The following MARCHF1 variants were observed in gnomAD, a reference collection of about 807,000 sequenced individuals.
The protein encoded by MARCHF1 is E3 ubiquitin-protein ligase MARCHF1.
MARCHF1 carries 40 observed loss-of-function variants against 54.2 expected under a neutral mutation model. The observed-to-expected ratio is 0.74, with a 90% CI of 0.57 to 0.96. MARCHF1 has a LOEUF of 0.96. Ranked by LOEUF, MARCHF1 falls within the 40% of genes least tolerant of loss-of-function variation. MARCHF1 has a pLI of 0.00. For synonymous variants in MARCHF1, 236 were observed against 236.3 expected, an observed-to-expected ratio of 1.00 and a Z score of 0.01; for missense variants, 586 against 656.5, an observed-to-expected ratio of 0.89 and a Z score of 1.17.
intron 3 of MARCHF1, among the ~76,000 whole-genome samples, chr4:163,973,807 T>C (rs916389282): frequency 6.6e-6 from 1 of 152,348 alleles, no homozygotes; most frequent in South Asian, 2.1e-4. Flanking sequence ...ACCAACATAT[T>C]CTGAGTAGCC....
At chr4:164,299,115 T>G (rs987987178) in intron 1 of MARCHF1, among the ~76,000 whole-genome samples, 2 of 152,130 alleles carry the variant, frequency 1.3e-5, no homozygotes, top group Admixed American at 1.3e-4. Flanking sequence ...AAATTAAAAT[T>G]TTAGAAAACA....
At chr4:164,075,299 T>C (rs1346593246) in intron 2 of MARCHF1, among the ~76,000 whole-genome samples, 1 of 152,248 alleles carries the variant, frequency 6.6e-6, no homozygotes, top group Non-Finnish European at 1.5e-5. Flanking sequence ...TGTAGTGACC[T>C]CCGGCTCTAG....
At chr4:163,963,880 A>G (rs1487412221) in intron 3 of MARCHF1, among the ~76,000 whole-genome samples, 3 of 151,952 alleles carry the variant, frequency 2.0e-5, no homozygotes, top group Non-Finnish European at 2.9e-5. Flanking sequence ...GCCTAGTCCA[A>G]CTTTTGGAGT....
At position 163,891,568 on chromosome 4, in the gene MARCHF1, T is replaced by TA. The variant is rs766255771; in HGVS notation, c.-38-37400dup. ...AAATGAAACAACCACCAAAAAAAGC[T>TA]AAAAAAAAACCTGTCACCATTGCAC... is the stretch of plus-strand genomic sequence containing the variant. On this transcript the variant is annotated intron_variant, in intron 3 of 9. Transcript: ENST00000514618. Among the ~76,000 whole-genome samples the TA allele has an allele frequency of 3.8e-4, 58 of 150,894 alleles. 1 individual carries two copies. Among genetic ancestry groups the TA allele is most frequent in the East Asian group, 1.2e-3 (6 of 5,148 alleles).
intron 1 of MARCHF1, among the ~76,000 whole-genome samples, chr4:164,369,328 C>A (rs1222950090): frequency 6.6e-6 from 1 of 152,074 alleles, no homozygotes; most frequent in Non-Finnish European, 1.5e-5. Context: ...GGAAAATAGG[C>A]ATAAAGATTT....
intron 5 of MARCHF1, among the ~76,000 whole-genome samples, chr4:163,692,587 C>A (rs1744498595): frequency 7.0e-6 from 1 of 143,136 alleles, no homozygotes; most frequent in Non-Finnish European, 1.5e-5. Context: ...ATTATGGCTC[C>A]TTGGCCCCTG....
At chr4:163,855,270 T>C (rs1749741046) in intron 3 of MARCHF1, among the ~76,000 whole-genome samples, 1 of 152,156 alleles carries the variant, frequency 6.6e-6, no homozygotes, top group Admixed American at 6.6e-5. Context: ...GATTTCTTAA[T>C]AAAACCAGCA....
intron 3 of MARCHF1, among the ~76,000 whole-genome samples, chr4:163,870,296 T>C (rs1750142680): frequency 3.9e-5 from 6 of 152,098 alleles, no homozygotes; most frequent in Admixed American, 3.3e-4. Flanking sequence ...GTCTGAAAAA[T>C]ATTTTCCATT....
At chr4:164,067,454 C>G (rs1416421716) in intron 2 of MARCHF1, among the ~76,000 whole-genome samples, 1 of 152,140 alleles carries the variant, frequency 6.6e-6, no homozygotes, top group African/African-American at 2.4e-5. Context: ...TGATCTTCAA[C>G]AAGGCCAACA....
In MARCHF1 at chr4:163,705,486, T is replaced by C. The variant is rs114010926; in HGVS notation, c.112-4623A>G. On this transcript the variant is annotated intron_variant, in intron 4 of 9. Coordinates refer to ENST00000514618, the MANE Select transcript of MARCHF1 (RefSeq NM_001394959.1). Reference sequence around the variant, plus strand: ...GTGTATCACTAAAATTCCCAAAGAATAGAATAAATAGAATTTACTTATTTC... The same window carrying C: ...GTGTATCACTAAAATTCCCAAAGAACAGAATAAATAGAATTTACTTATTTC... Among the ~76,000 whole-genome samples, 851 of 152,066 alleles carry C rather than the reference T, an allele frequency of 5.6e-3. 6 individuals are homozygous for C. Among genetic ancestry groups the C allele is most frequent in the African/African-American group, 0.02 (815 of 41,550 alleles).
rs571209604 is a variant in MARCHF1, at chr4:163,946,857, G to A, written c.-39+41644C>T. On this transcript the variant is annotated intron_variant, in intron 3 of 9. Coordinates refer to ENST00000514618, the MANE Select transcript of MARCHF1 (RefSeq NM_001394959.1). ...ATGGACTTGCATTATTTATAAAAAT[G>A]CACCTGAAATATCACTGCAACAATT... 3.2e-4 allele frequency among the ~76,000 whole-genome samples: 49 copies of A among 152,216 alleles called. No homozygotes were observed. In the South Asian group the frequency reaches 9.7e-3, roughly 30 times the overall value.
chr4:163,771,704 G>A (rs1248691762), intron 4 of MARCHF1, among the ~76,000 whole-genome samples: 1 of 152,170 alleles, frequency 6.6e-6, no homozygotes, highest in Non-Finnish European at 1.5e-5. Flanking sequence ...TTTAGATCAT[G>A]CAAGAGCTTA....
intron 2 of MARCHF1, among the ~76,000 whole-genome samples, chr4:164,050,804 A>G (rs1295515741): frequency 6.6e-6 from 1 of 152,074 alleles, no homozygotes; most frequent in Admixed American, 6.6e-5. Flanking sequence ...GTGGTGGTGC[A>G]TGCCTGTAAT....
At chr4:163,738,218 C>T (rs1198944891) in intron 4 of MARCHF1, among the ~76,000 whole-genome samples, 1 of 152,152 alleles carries the variant, frequency 6.6e-6, no homozygotes, top group Non-Finnish European at 1.5e-5. Flanking sequence ...ATGTAGAGGA[C>T]ACATTTTAAT....
At chr4:163,689,658 T>A (rs1441726029) in intron 5 of MARCHF1, among the ~76,000 whole-genome samples, 1 of 152,156 alleles carries the variant, frequency 6.6e-6, no homozygotes, top group Non-Finnish European at 1.5e-5. Flanking sequence ...CGTGGATTTT[T>A]TTTTTTTCCC....
intron 1 of MARCHF1, among the ~76,000 whole-genome samples, chr4:164,258,434 G>GA (rs1280336895): frequency 7.5e-6 from 1 of 133,868 alleles, no homozygotes; most frequent in Non-Finnish European, 1.6e-5. Context: ...CAAAACAATA[G>GA]AAAAAAATCT....
At chr4:163,931,294 A>C (rs917209124) in intron 3 of MARCHF1, among the ~76,000 whole-genome samples, 1 of 152,136 alleles carries the variant, frequency 6.6e-6, no homozygotes, top group African/African-American at 2.4e-5. Flanking sequence ...TTTTTTGGGT[A>C]ATATTAACAT....
At chr4:164,147,072 A>T (rs1712905483) in intron 1 of MARCHF1, among the ~76,000 whole-genome samples, 1 of 152,134 alleles carries the variant, frequency 6.6e-6, no homozygotes, top group African/African-American at 2.4e-5. Flanking sequence ...CACATGAAAA[A>T]ATGCTCACCA....
intron 7 of MARCHF1, among the ~76,000 whole-genome samples, chr4:163,599,155 G>T (rs1230649462): frequency 6.6e-6 from 1 of 152,094 alleles, no homozygotes; most frequent in African/African-American, 2.4e-5. Flanking sequence ...TGGGCGTGGT[G>T]GCGGGCGCCT....
Sources: gnomAD v4.1 joint callset for allele counts (sites outside exome capture counted in the v4.1 genomes callset) on GRCh38, gnomAD v4.1.1 for gene constraint, MANE v1.5 for transcripts, NCBI Gene and HGNC (gene_info 2026-07-23, HGNC 2026-07-21) for gene names.